The following HCN1 variants were observed in gnomAD, a reference collection of about 807,000 sequenced individuals.
HCN1 encodes hyperpolarization activated cyclic nucleotide gated potassium channel 1, also known as potassium/sodium hyperpolarization-activated cyclic nucleotide-gated channel 1.
In HCN1, 13 loss-of-function variants were observed where a neutral mutation model predicts 78.9. That is an observed-to-expected ratio of 0.16 (90% CI 0.11 to 0.26). The LOEUF is 0.26. Ranked by LOEUF, HCN1 falls within the 10% of genes least tolerant of loss-of-function variation. The probability of loss-of-function intolerance (pLI) is 1.00; values close to 1 mark genes in which losing one functional copy is unlikely to be tolerated. For synonymous variants in HCN1, 552 were observed against 455.5 expected (o/e 1.21, Z -2.70); for missense variants, 810 against 1,154.3 (o/e 0.70, Z 4.32).
chr5:45,353,305 T>C lies in HCN1; in HGVS notation c.1231-59A>G, dbSNP rs999669318. On this transcript the variant is annotated intron_variant, in intron 4 of 7. Transcript: ENST00000303230. ...CATTGTTAGGGTGTATCAGAAATCA[T>C]ATTATTTTGTTTTGCTATATTCAAT... 4.5e-5 allele frequency: 59 copies of C among 1,299,764 alleles called. No homozygotes were observed. In the East Asian group the frequency reaches 1.3e-3, roughly 29 times the overall value. The allele number at this position is 1,299,764 out of a possible 1,614,324, so 80.5% of individuals were successfully genotyped here. A position where few individuals can be genotyped will look rare whatever the true frequency, so the allele number is the denominator to read the frequency against.
At chr5:45,363,545 T>C (rs1428551783) in intron 4 of HCN1, among the ~76,000 whole-genome samples, 1 of 151,968 alleles carries the variant, frequency 6.6e-6, no homozygotes, top group Non-Finnish European at 1.5e-5. Flanking sequence ...AAAACCTCAA[T>C]AATATACCCT....
At chr5:45,379,058 T>C (rs1354364766) in intron 4 of HCN1, among the ~76,000 whole-genome samples, 2 of 152,284 alleles carry the variant, frequency 1.3e-5, no homozygotes, top group Non-Finnish European at 2.9e-5. Context: ...TCTTTGCTAT[T>C]GTGAATAGTG....
chr5:45,298,641 G>A (rs1355263565), intron 6 of HCN1, among the ~76,000 whole-genome samples: 2 of 151,944 alleles, frequency 1.3e-5, no homozygotes, highest in Non-Finnish European at 2.9e-5. Flanking sequence ...ATACAAAAAG[G>A]ATTGTATAAA....
chr5:45,595,239 C>A (rs1213886566), intron 2 of HCN1, among the ~76,000 whole-genome samples: 1 of 152,212 alleles, frequency 6.6e-6, no homozygotes, highest in Non-Finnish European at 1.5e-5. Flanking sequence ...ATCCTCAGGG[C>A]TGTGTTTCCC....
At chr5:45,660,512 T>G (rs887965983) in intron 1 of HCN1, among the ~76,000 whole-genome samples, 344 of 150,958 alleles carry the variant, frequency 2.3e-3, no homozygotes, top group African/African-American at 7.9e-3. Context: ...GACTGGCAAG[T>G]TGGATAAAGA....
chr5:45,488,860 G>A (rs1741823769), intron 2 of HCN1, among the ~76,000 whole-genome samples: 1 of 152,134 alleles, frequency 6.6e-6, no homozygotes, highest in South Asian at 2.1e-4. Context: ...CCACAATTGT[G>A]TCAAGAAACT....
intron 2 of HCN1, among the ~76,000 whole-genome samples, chr5:45,583,535 C>T (rs1744133867): frequency 6.6e-6 from 1 of 152,166 alleles, no homozygotes; most frequent in Non-Finnish European, 1.5e-5. Flanking sequence ...TTCAGTTCTG[C>T]TATGATCTTA....
At chr5:45,583,974 G>A (rs1420230627) in intron 2 of HCN1, among the ~76,000 whole-genome samples, 7 of 152,208 alleles carry the variant, frequency 4.6e-5, no homozygotes, top group African/African-American at 1.7e-4. Context: ...TGGAATAGGT[G>A]TGGTGTGGTG....
At chr5:45,456,453 G>T (rs1208830240) in intron 3 of HCN1, among the ~76,000 whole-genome samples, 1 of 151,930 alleles carries the variant, frequency 6.6e-6, no homozygotes, top group Non-Finnish European at 1.5e-5. Context: ...AAGACCAATT[G>T]TCTGCACTGT....
intron 2 of HCN1, among the ~76,000 whole-genome samples, chr5:45,536,717 T>G (rs1020791804): frequency 6.6e-6 from 1 of 152,196 alleles, no homozygotes; most frequent in African/African-American, 2.4e-5. Flanking sequence ...TTTTCCTGTT[T>G]CTTCATGTAG....
intron 5 of HCN1, among the ~76,000 whole-genome samples, chr5:45,352,210 T>C (rs1746920255): frequency 6.6e-6 from 1 of 152,086 alleles, no homozygotes; most frequent in Non-Finnish European, 1.5e-5. Flanking sequence ...AAATGATGAG[T>C]TCATGTCCTT....
At chr5:45,563,560 A>T (rs1170036432) in intron 2 of HCN1, among the ~76,000 whole-genome samples, 1 of 152,156 alleles carries the variant, frequency 6.6e-6, no homozygotes, top group Non-Finnish European at 1.5e-5. Flanking sequence ...ATTTACAAGT[A>T]TAAGACTTAC....
At chr5:45,616,543 T>G (rs182009346) in intron 2 of HCN1, among the ~76,000 whole-genome samples, 5 of 152,024 alleles carry the variant, frequency 3.3e-5, no homozygotes, top group Non-Finnish European at 5.9e-5. Flanking sequence ...GAAAATAAGA[T>G]TTTCTCAGCG....
intron 3 of HCN1, among the ~76,000 whole-genome samples, chr5:45,413,569 G>A (rs1193169353): frequency 5.9e-5 from 9 of 151,892 alleles, no homozygotes; most frequent in Non-Finnish European, 5.9e-5. Context: ...CACCATGCAG[G>A]AGCAAATTGC....
chr5:45,579,821 G>A (rs900872890), intron 2 of HCN1, among the ~76,000 whole-genome samples: 1 of 152,054 alleles, frequency 6.6e-6, no homozygotes, highest in Non-Finnish European at 1.5e-5. Context: ...TTTTGTTTCT[G>A]TTTTTTAAGC....
intron 2 of HCN1, among the ~76,000 whole-genome samples, chr5:45,490,761 C>A (rs556015162): frequency 2.0e-5 from 3 of 152,164 alleles, no homozygotes; most frequent in Non-Finnish European, 4.4e-5. Context: ...AAATAAAAAA[C>A]TTAAATAAAG....
intron 2 of HCN1, among the ~76,000 whole-genome samples, chr5:45,546,249 A>G (rs1249266006): frequency 6.6e-6 from 1 of 151,826 alleles, no homozygotes; most frequent in African/African-American, 2.4e-5. Flanking sequence ...TTAGACTCCA[A>G]TTGGCCTACT....
rs1237559357 is a variant in HCN1 at position 45,259,766 on chromosome 5, T to A, written c.*2155A>T. The A allele has an allele frequency of 6.6e-6, 1 of 152,410 alleles. No homozygotes were observed. The highest frequency in any genetic ancestry group is 1.5e-5 in the Non-Finnish European group (1 of 67,956). 9.4% of individuals were successfully genotyped at this position (152,410 alleles called of 1,614,324 possible). A position where few individuals can be genotyped will look rare whatever the true frequency, so the allele number is the denominator to read the frequency against. On this transcript the variant is annotated 3_prime_UTR_variant, in exon 8 of 8. Transcript: ENST00000303230. Reference sequence around the variant, plus strand: ...TATATAAAAATATTTCACTACCAAATCCATTAATCCTATCAAATGTAAACC... The same window carrying A: ...TATATAAAAATATTTCACTACCAAAACCATTAATCCTATCAAATGTAAACC...
At chr5:45,272,921 A>T (rs1401002330) in intron 6 of HCN1, among the ~76,000 whole-genome samples, 1 of 152,034 alleles carries the variant, frequency 6.6e-6, no homozygotes, top group Non-Finnish European at 1.5e-5. Flanking sequence ...CTTTTTAAAG[A>T]TTGTCTTGGC....
Sources: allele counts gnomAD v4.1 joint callset (sites outside exome capture counted in the v4.1 genomes callset), GRCh38; gene constraint gnomAD v4.1.1; transcripts MANE v1.5; gene names NCBI Gene and HGNC (gene_info 2026-07-23, HGNC 2026-07-21).